Variants in ADAMTS12 observed in about 807,000 individuals in gnomAD.
The protein encoded by ADAMTS12 is A disintegrin and metalloproteinase with thrombospondin motifs 12.
A neutral mutation model predicts 167.8 loss-of-function variants in ADAMTS12; 118 were observed. The observed-to-expected ratio is 0.70, with a 90% CI of 0.61 to 0.82. The LOEUF (loss-of-function observed/expected upper bound fraction) is 0.82, where lower values mean the gene tolerates loss of function less well. Ranked by LOEUF, ADAMTS12 falls within the 40% of genes least tolerant of loss-of-function variation. ADAMTS12 has a pLI of 0.00. For missense variants in ADAMTS12, 1,916 were observed against 1,998.8 expected, an observed-to-expected ratio of 0.96 and a Z score of 0.79; for synonymous variants, 704 against 716.9, an observed-to-expected ratio of 0.98 and a Z score of 0.29.
chr5:33,750,054 G>GT (rs1403265497), intron 3 of ADAMTS12, among the ~76,000 whole-genome samples: 1 of 152,138 alleles, frequency 6.6e-6, no homozygotes, highest in Non-Finnish European at 1.5e-5. Flanking sequence ...CACCCAGAGT[G>GT]TAATAGGAAT....
At chr5:33,828,105 C>G (rs1207527648) in intron 2 of ADAMTS12, among the ~76,000 whole-genome samples, 1 of 152,162 alleles carries the variant, frequency 6.6e-6, no homozygotes, top group South Asian at 2.1e-4. Flanking sequence ...TTGGAATGCA[C>G]TCTCAGACTT....
chr5:33,766,769 T>A (rs1363756933), intron 2 of ADAMTS12, among the ~76,000 whole-genome samples: 1 of 152,162 alleles, frequency 6.6e-6, no homozygotes, highest in Non-Finnish European at 1.5e-5. Context: ...AAATGGAAAT[T>A]TAAAATTATC....
At chr5:33,823,600 C>A (rs2112506257) in intron 2 of ADAMTS12, among the ~76,000 whole-genome samples, 1 of 151,014 alleles carries the variant, frequency 6.6e-6, no homozygotes, top group East Asian at 1.9e-4. Context: ...GACTCAGCCC[C>A]CAGTGACTCT....
chr5:33,706,088 T>C (rs1743192029), intron 3 of ADAMTS12, among the ~76,000 whole-genome samples: 2 of 152,120 alleles, frequency 1.3e-5, no homozygotes, highest in South Asian at 2.1e-4. Context: ...AAAATACCAA[T>C]GACTTTTTTT....
intron 2 of ADAMTS12, among the ~76,000 whole-genome samples, chr5:33,825,448 G>C (rs1255884386): frequency 6.6e-6 from 1 of 152,166 alleles, no homozygotes; most frequent in African/African-American, 2.4e-5. Flanking sequence ...AGTGGCCAAA[G>C]CTGGATGAGT....
intron 5 of ADAMTS12, among the ~76,000 whole-genome samples, chr5:33,680,812 A>G (rs1365256020): frequency 6.6e-6 from 1 of 152,172 alleles, no homozygotes; most frequent in African/African-American, 2.4e-5. Flanking sequence ...AGTGTGGGAG[A>G]ACTGCTGAAT....
At chr5:33,708,692 A>G (rs528952942) in intron 3 of ADAMTS12, among the ~76,000 whole-genome samples, 3 of 152,306 alleles carry the variant, frequency 2.0e-5, no homozygotes, top group East Asian at 3.9e-4. Context: ...AAACTAACAC[A>G]GGAACAGAAA....
chr5:33,746,613 A>C (rs1744797062), intron 3 of ADAMTS12, among the ~76,000 whole-genome samples: 1 of 152,224 alleles, frequency 6.6e-6, no homozygotes, highest in Non-Finnish European at 1.5e-5. Context: ...GAAAAAAATT[A>C]AGCAAAACAA....
At chr5:33,697,905 C>G (rs1305098140) in intron 3 of ADAMTS12, among the ~76,000 whole-genome samples, 1 of 152,258 alleles carries the variant, frequency 6.6e-6, no homozygotes, top group Non-Finnish European at 1.5e-5. Flanking sequence ...CAAGGAGGCA[C>G]CCCTCTGCGC....
intron 12 of ADAMTS12, among the ~76,000 whole-genome samples, chr5:33,635,922 T>C (rs140662154): frequency 3.3e-4 from 50 of 152,280 alleles, no homozygotes; most frequent in African/African-American, 1.2e-3. Flanking sequence ...GGATGAATAC[T>C]GATAGACTGG....
At chr5:33,617,753 C>T (rs1021092966) in intron 14 of ADAMTS12, among the ~76,000 whole-genome samples, 14 of 151,870 alleles carry the variant, frequency 9.2e-5, no homozygotes, top group African/African-American at 3.4e-4. Context: ...ACTGTGTCTA[C>T]CACCTTGCTC....
chr5:33,795,591 T>C (rs574526615), intron 2 of ADAMTS12, among the ~76,000 whole-genome samples: 3 of 152,172 alleles, frequency 2.0e-5, no homozygotes, highest in Non-Finnish European at 4.4e-5. Context: ...CTCCAGCAAC[T>C]ACGCTCCTCA....
At chr5:33,710,083 C>T (rs1743339445) in intron 3 of ADAMTS12, among the ~76,000 whole-genome samples, 1 of 152,126 alleles carries the variant, frequency 6.6e-6, no homozygotes, top group South Asian at 2.1e-4. Context: ...TAGTCCCTTC[C>T]CAGGACTGTT....
chr5:33,812,440 A>G (rs149183695), intron 2 of ADAMTS12, among the ~76,000 whole-genome samples: 2 of 152,368 alleles, frequency 1.3e-5, no homozygotes, highest in African/African-American at 4.8e-5. Flanking sequence ...GAATTTGTAC[A>G]CAGAGAACAT....
At chr5:33,610,881 AC>A (rs1738698100) in intron 16 of ADAMTS12, among the ~76,000 whole-genome samples, 1 of 152,282 alleles carries the variant, frequency 6.6e-6, no homozygotes, top group East Asian at 1.9e-4. Context: ...AGCCTGGCCA[AC>A]ATGGTGAAAC....
At chr5:33,777,769 G>C (rs1194312405) in intron 2 of ADAMTS12, among the ~76,000 whole-genome samples, 1 of 151,680 alleles carries the variant, frequency 6.6e-6, no homozygotes, top group African/African-American at 2.4e-5. Context: ...CTTCTATATA[G>C]AAAATCCTAA....
Position 33,891,743 on chromosome 5 carries a change from C to T in ADAMTS12, c.114G>A (p.Pro38=), listed in dbSNP as rs1750863576. ...RQPQPGPVRF[P]DRRQEHFIKG... The stretch of plus-strand genomic sequence containing the variant: ...AGAGTCACTAACCTTGCCTCCTGTC[C>T]GGGAAGCGAACCGGGCCTGGCTGAG... Residue 38 remains proline (P), a synonymous_variant, in exon 1 of 24, where the codon CCG becomes CCA. Coordinates refer to ENST00000504830, the MANE Select transcript of ADAMTS12 (RefSeq NM_030955.4). 2.5e-6 allele frequency: 4 copies of T among 1,614,020 alleles called. No homozygotes were observed. The highest frequency in any genetic ancestry group is 2.2e-5 in the South Asian group (2 of 91,082).
chr5:33,582,130 T>C (rs1368853224), intron 18 of ADAMTS12, among the ~76,000 whole-genome samples: 2 of 151,904 alleles, frequency 1.3e-5, no homozygotes, highest in African/African-American at 4.8e-5. Flanking sequence ...GGAGCTAAGA[T>C]AATAAAAAAA....
rs1747822662 is a variant in ADAMTS12, at chr5:33,594,653, C to G, written c.2654+1281G>C. ...TTCTAGTTCTTCCTGGCAAAAGAAC[C>G]ACAGGAAGGAGCTACAGCACGGAGA... On this transcript the variant is annotated intron_variant, in intron 17 of 23. Coordinates refer to ENST00000504830, the MANE Select transcript of ADAMTS12 (RefSeq NM_030955.4). Among the ~76,000 whole-genome samples, 4 of 152,256 alleles carry G rather than the reference C, an allele frequency of 2.6e-5. No individual in the cohort carries two copies. The South Asian group carries it at 8.3e-4, about 32-fold the overall frequency.
Sources: gnomAD v4.1 joint callset for allele counts (sites outside exome capture counted in the v4.1 genomes callset) on GRCh38, gnomAD v4.1.1 for gene constraint, MANE v1.5 for transcripts, NCBI Gene and HGNC (gene_info 2026-07-23, HGNC 2026-07-21) for gene names.